The following SLC5A3 variants were observed in gnomAD, a reference collection of about 807,000 sequenced individuals.
The protein encoded by SLC5A3 is sodium/myo-inositol cotransporter.
Under a neutral mutation model 43.2 loss-of-function variants are expected in SLC5A3, and 10 were observed. The observed-to-expected ratio is 0.23, with a 90% CI of 0.14 to 0.39. The LOEUF (loss-of-function observed/expected upper bound fraction) is 0.39. Ranked by LOEUF, SLC5A3 falls within the 10% of genes least tolerant of loss-of-function variation. The pLI is 1.00. For synonymous variants in SLC5A3, 349 were observed against 322.0 expected, an observed-to-expected ratio of 1.08 and a Z score of -0.90; for missense variants, 608 against 893.4, an observed-to-expected ratio of 0.68 and a Z score of 4.07.
chr21:34,101,961 A>G lies in SLC5A3; in HGVS notation c.*4606A>G. 1.0e-6 allele frequency: 1 copy of G among 1,000,242 alleles called. No individual in the cohort carries two copies. The highest frequency in any genetic ancestry group is 1.2e-6 in the Non-Finnish European group (1 of 829,954). 62.0% of individuals were successfully genotyped at this position (1,000,242 alleles called of 1,614,324 possible). A position where few individuals can be genotyped will look rare whatever the true frequency, so the allele number is the denominator to read the frequency against. On this transcript the variant is annotated 3_prime_UTR_variant, in exon 2 of 2. Coordinates refer to ENST00000381151, the MANE Select transcript of SLC5A3 (RefSeq NM_006933.7). ...AGAAACAATGGAGTTTTGATGCCAA[A>G]AAGGTTTTTTTGCAGTAAAAGTAAA...
At chr21:34,083,054 G>C (rs750119202) in intron 1 of SLC5A3, among the ~76,000 whole-genome samples, 48 of 152,122 alleles carry the variant, frequency 3.2e-4, no homozygotes, top group Non-Finnish European at 5.9e-4. Context: ...CCCCAGAATC[G>C]AGAATTCCTG....
In SLC5A3 at chr21:34,102,005, A is replaced by G. The variant is rs1176634918; in HGVS notation, c.*4650A>G. 2.0e-6 allele frequency: 2 copies of G among 1,000,192 alleles called. No individual in the cohort carries two copies. Among genetic ancestry groups the G allele is most frequent in the Non-Finnish European group, 2.4e-6 (2 of 829,932 alleles). The allele number at this position is 1,000,192 out of a possible 1,614,324, so 62.0% of individuals were successfully genotyped here. ...AAGTAAAAATTTGGAATTAGTTGGC[A>G]TATAGAGGAACCCTTTTGTACTGGA... On this transcript the variant is annotated 3_prime_UTR_variant, in exon 2 of 2. Coordinates refer to ENST00000381151, the MANE Select transcript of SLC5A3 (RefSeq NM_006933.7).
chr21:34,097,402 C>T lies in SLC5A3; in HGVS notation c.*47C>T, dbSNP rs1979015442. The T allele has an allele frequency of 1.5e-6, 2 of 1,368,264 alleles. No homozygotes were observed. The highest frequency in any genetic ancestry group is 1.9e-6 in the Non-Finnish European group (2 of 1,068,622). The allele number at this position is 1,368,264 out of a possible 1,614,324, so 84.8% of individuals were successfully genotyped here. A position where few individuals can be genotyped will look rare whatever the true frequency, so the allele number is the denominator to read the frequency against. ...CTAACTTAAGACAATACTGACTGGT[C>T]TTTGGGGAAAAAAGTTATGTAACTG... On this transcript the variant is annotated 3_prime_UTR_variant, in exon 2 of 2. Transcript: ENST00000381151.
chr21:34,104,884 G>A lies in SLC5A3; in HGVS notation c.*7529G>A, dbSNP rs926607646. On this transcript the variant is annotated 3_prime_UTR_variant, in exon 2 of 2. Transcript: ENST00000381151. ...AACTGTACAAAAAAATGCTTCTGGA[G>A]ATTTCTTTGGCAGAAATGCCTTTCA... 1 of 1,000,098 alleles carries A rather than the reference G, an allele frequency of 1.0e-6. No individual in the cohort carries two copies. The highest frequency in any genetic ancestry group is 1.2e-6 in the Non-Finnish European group (1 of 829,936). 62.0% of individuals were successfully genotyped at this position (1,000,098 alleles called of 1,614,324 possible).
At position 34,098,683 on chromosome 21, in the gene SLC5A3, T is replaced by G; in HGVS notation, c.*1328T>G. The G allele has an allele frequency of 1.0e-6, 1 of 1,000,218 alleles. No homozygotes were observed. The highest frequency in any genetic ancestry group is 5.2e-4 in the Middle Eastern group (1 of 1,916). The allele number at this position is 1,000,218 out of a possible 1,614,324, so 62.0% of individuals were successfully genotyped here. A position where few individuals can be genotyped will look rare whatever the true frequency, so the allele number is the denominator to read the frequency against. On this transcript the variant is annotated 3_prime_UTR_variant, in exon 2 of 2. Coordinates refer to ENST00000381151, the MANE Select transcript of SLC5A3 (RefSeq NM_006933.7). ...AACTTTTGGGGTTAGTAGTGTGTCT[T>G]GTGGAGGGTATTACAGGACTGTGTA...
intron 1 of SLC5A3, among the ~76,000 whole-genome samples, chr21:34,086,311 C>T (rs887717272): frequency 6.6e-6 from 1 of 152,070 alleles, no homozygotes; most frequent in Non-Finnish European, 1.5e-5. Flanking sequence ...AAGATTAATT[C>T]TTGGTGTGGG....
chr21:34,073,872 CGGCG>C, intron 1 of SLC5A3, 127 bp downstream of exon 1: 1 of 437,760 alleles, frequency 2.3e-6, no homozygotes, highest in Non-Finnish European at 3.1e-6. Context: ...GAGGCCGGGG[CGGCG>C]GGCGGGCGGC....
At position 34,083,242 on chromosome 21, in the gene SLC5A3, T is replaced by A. The variant is rs530039339; in HGVS notation, c.-337+9497T>A. Among the ~76,000 whole-genome samples, 3 of 152,322 alleles carry A rather than the reference T, an allele frequency of 2.0e-5. No individual in the cohort carries two copies. The South Asian group carries it at 6.2e-4, about 32-fold the overall frequency. On this transcript the variant is annotated intron_variant, in intron 1 of 1. Transcript: ENST00000381151. The stretch of plus-strand genomic sequence containing the variant: ...ATTGTGGTGATCAGAAGTGCAGTGT[T>A]GTGGTTGCATTTCAGCTGCTGGGAA...
In SLC5A3 at chr21:34,092,014, C is replaced by T. The variant is rs183323622; in HGVS notation, c.-336-2849C>T. On this transcript the variant is annotated intron_variant, in intron 1 of 1. Coordinates refer to ENST00000381151, the MANE Select transcript of SLC5A3 (RefSeq NM_006933.7). ...TATAAAAATACAAGTTAAAAAGCCT[C>T]ATGTTAGCTGAAGATTCTTCCATGT... is the stretch of plus-strand genomic sequence containing the variant. 3.3e-3 allele frequency among the ~76,000 whole-genome samples: 505 copies of T among 152,154 alleles called. 5 individuals are homozygous for T. Among genetic ancestry groups the T allele is most frequent in the African/African-American group, 0.011 (475 of 41,536 alleles).
chr21:34,101,741 ATATAAT>A lies in SLC5A3; in HGVS notation c.*4390_*4395del. ...TTAGATCCAAATAATGACTCATTAA[ATATAAT>A]TATGTTTTAAGTATACTGAATTTCT... On this transcript the variant is annotated 3_prime_UTR_variant, in exon 2 of 2. Coordinates refer to ENST00000381151, the MANE Select transcript of SLC5A3 (RefSeq NM_006933.7). 1 of 992,340 alleles carries A rather than the reference ATATAAT, an allele frequency of 1.0e-6. No individual in the cohort carries two copies. Among genetic ancestry groups the A allele is most frequent in the Non-Finnish European group, 1.2e-6 (1 of 822,946 alleles). 61.5% of individuals were successfully genotyped at this position (992,340 alleles called of 1,614,324 possible).
intron 1 of SLC5A3, among the ~76,000 whole-genome samples, chr21:34,089,309 C>T (rs1259724493): frequency 2.0e-5 from 3 of 151,908 alleles, no homozygotes; most frequent in Admixed American, 6.6e-5. Context: ...TGAGTCACCA[C>T]GCCCAGCCTG....
Position 34,095,390 on chromosome 21 carries a change from C to T in SLC5A3, c.192C>T (p.His64=), listed in dbSNP as rs768160210. The T allele has an allele frequency of 1.9e-6, 3 of 1,614,120 alleles. No homozygotes were observed. The highest frequency in any genetic ancestry group is 2.5e-6 in the Non-Finnish European group (3 of 1,180,018). ...TTGTGAGCAATATTGGGAGTGAGCA[C>T]TTCATTGGGCTGGCAGGATCTGGAG... The part of the protein sequence containing the change: ...SLFVSNIGSE[H]FIGLAGSGAA... Residue 64 remains histidine, a synonymous_variant, in exon 2 of 2, where the codon CAC becomes CAT. Transcript: ENST00000381151.
chr21:34,100,935 G>A lies in SLC5A3; in HGVS notation c.*3580G>A. ...CCTGTTCCTGCTTGGCAGTGTTAAA[G>A]CTTACAGGGTTAACTTATGATGATT... On this transcript the variant is annotated 3_prime_UTR_variant, in exon 2 of 2. Transcript: ENST00000381151. The A allele has an allele frequency of 2.0e-6, 2 of 1,000,154 alleles. No homozygotes were observed. Among genetic ancestry groups the A allele is most frequent in the Non-Finnish European group, 2.4e-6 (2 of 829,954 alleles). 62.0% of individuals were successfully genotyped at this position (1,000,154 alleles called of 1,614,324 possible). A position where few individuals can be genotyped will look rare whatever the true frequency, so the allele number is the denominator to read the frequency against.
chr21:34,095,917 A>G lies in SLC5A3; in HGVS notation c.719A>G (p.Asn240Ser). 4 of 1,614,122 alleles carry G rather than the reference A, an allele frequency of 2.5e-6. No homozygotes were observed. The highest frequency in any genetic ancestry group is 2.5e-6 in the Non-Finnish European group (3 of 1,179,980). The change falls in exon 2 of 2, where the codon AAT (asparagine) becomes AGT (serine). Residue 240 changes from asparagine (N) to serine (S), a missense_variant. Asn to Ser is a conservative substitution (Grantham distance 46). This residue lies in a region of SLC5A3 where 398 missense variants were observed against 668.6 expected (regional missense o/e 0.60). Coordinates refer to ENST00000381151, the MANE Select transcript of SLC5A3 (RefSeq NM_006933.7). Reference protein sequence around the residue: ...TYNLSNTNSCNVSPKKEALKM... With the variant: ...TYNLSNTNSCSVSPKKEALKM... ...AACCTTTCCAACACAAATTCTTGTA[A>G]TGTCTCCCCTAAGAAAGAAGCCCTG...
chr21:34,075,881 A>T (rs1031999034), intron 1 of SLC5A3, among the ~76,000 whole-genome samples: 1 of 152,240 alleles, frequency 6.6e-6, no homozygotes, highest in Non-Finnish European at 1.5e-5. Flanking sequence ...CTCTAGGCTT[A>T]TGAAATGAAA....
In SLC5A3 at chr21:34,097,238, G is replaced by A. The variant is rs376446722; in HGVS notation, c.2040G>A (p.Glu680=). 6.2e-7 allele frequency: 1 copy of A among 1,614,050 alleles called. No individual in the cohort carries two copies. The highest frequency in any genetic ancestry group is 1.3e-5 in the African/African-American group (1 of 75,028). ...SKRSLRDLME[E]EAVCLQMLEE... The stretch of plus-strand genomic sequence containing the variant: ...GGAGTCTCAGAGACCTGATGGAAGA[G>A]GAGGCTGTTTGTTTACAGATGCTAG... The change falls in exon 2 of 2, where the codon GAG becomes GAA. Residue 680 remains glutamate, a synonymous_variant. Coordinates refer to ENST00000381151, the MANE Select transcript of SLC5A3 (RefSeq NM_006933.7).
chr21:34,104,135 T>A lies in SLC5A3; in HGVS notation c.*6780T>A. ...GATGAAGTTACCTTTATTTTTTTCC[T>A]ATACTTGACTGTGCTTCATTTTAAT... is the stretch of plus-strand genomic sequence containing the variant. On this transcript the variant is annotated 3_prime_UTR_variant, in exon 2 of 2. Coordinates refer to ENST00000381151, the MANE Select transcript of SLC5A3 (RefSeq NM_006933.7). 1.0e-6 allele frequency: 1 copy of A among 999,942 alleles called. No homozygotes were observed. Among genetic ancestry groups the A allele is most frequent in the Non-Finnish European group, 1.2e-6 (1 of 829,890 alleles). 61.9% of individuals were successfully genotyped at this position (999,942 alleles called of 1,614,324 possible).
intron 1 of SLC5A3, among the ~76,000 whole-genome samples, chr21:34,080,846 C>A (rs748507484): frequency 5.3e-5 from 8 of 152,230 alleles, no homozygotes; most frequent in Non-Finnish European, 1.2e-4. Context: ...TATGATACAG[C>A]GTGTTGACCT....
chr21:34,077,339 CTG>C (rs1327854374), intron 1 of SLC5A3, among the ~76,000 whole-genome samples: 1 of 152,194 alleles, frequency 6.6e-6, no homozygotes, highest in Admixed American at 6.5e-5. Context: ...GGAAAGAAAT[CTG>C]TGCAATACAT....
Sources: gnomAD v4.1 joint callset for allele counts (sites outside exome capture counted in the v4.1 genomes callset) on GRCh38, gnomAD v4.1.1 for gene constraint, gnomAD v4.1.1 regional missense constraint, MANE v1.5 for transcripts, NCBI Gene and HGNC (gene_info 2026-07-23, HGNC 2026-07-21) for gene names.